The following SLC35E4 variants were observed in gnomAD, a reference collection of about 807,000 sequenced individuals.
SLC35E4 encodes the protein solute carrier family 35, member E4.
A neutral mutation model predicts 19.3 loss-of-function variants in SLC35E4; 15 were observed. The observed-to-expected ratio is 0.78, with a 90% CI of 0.52 to 1.20. The LOEUF (loss-of-function observed/expected upper bound fraction) is 1.20. SLC35E4 is among the 50% of genes most tolerant of loss of function. The pLI is 0.00. For synonymous variants in SLC35E4, 219 were observed against 219.9 expected, an observed-to-expected ratio of 1.00 and a Z score of 0.04; for missense variants, 406 against 472.3, an observed-to-expected ratio of 0.86 and a Z score of 1.30.
chr22:30,648,796 T>C (rs1373603271), downstream of SLC35E4, among the ~76,000 whole-genome samples: 1 of 151,652 alleles, frequency 6.6e-6, no homozygotes, highest in Non-Finnish European at 1.5e-5. Context: ...ACTATGATCA[T>C]GCCACTGCAC....
intron 2 of SLC35E4, among the ~76,000 whole-genome samples, chr22:30,658,057 T>C (rs1602095036): frequency 1.3e-5 from 2 of 151,454 alleles, no homozygotes; most frequent in Admixed American, 6.6e-5. Context: ...CAGTGGGCGG[T>C]GATCACACCA....
downstream of SLC35E4, chr22:30,668,097 C>G (rs976160780): frequency 6.1e-6 from 1 of 163,942 alleles, no homozygotes; most frequent in African/African-American, 2.4e-5. Context: ...CAGTTTCCAA[C>G]TGTTTCTCGA....
At chr22:30,638,471 C>T (rs1426627817) in intron 1 of SLC35E4, among the ~76,000 whole-genome samples, 1 of 133,874 alleles carries the variant, frequency 7.5e-6, no homozygotes, top group Non-Finnish European at 1.5e-5. Context: ...CACTGCACTC[C>T]AGCCAAGGCG....
At chr22:30,651,118 C>G (rs1424316097), downstream of SLC35E4, among the ~76,000 whole-genome samples, 1 of 151,938 alleles carries the variant, frequency 6.6e-6, no homozygotes, top group Non-Finnish European at 1.5e-5. Flanking sequence ...CACTAAATAA[C>G]TTCCTGGAAG....
rs759121707 is a variant in SLC35E4, at chr22:30,646,686, C to A, written c.708C>A (p.Ala236=). The A allele has an allele frequency of 6.2e-7, 1 of 1,612,422 alleles. No homozygotes were observed. The highest frequency in any genetic ancestry group is 1.1e-5 in the South Asian group (1 of 91,052). The change falls in exon 2 of 2, where the codon GCC becomes GCA. Residue 236 remains alanine (A), a synonymous_variant. Coordinates refer to ENST00000343605, the MANE Select transcript of SLC35E4 (RefSeq NM_001001479.4). Reference sequence around the variant, plus strand: ...GCTTCTGCCTGCTGGCGGGTGCAGCCCTGGTGCTGGAGGCTGGCGTTGCCC... The same window carrying A: ...GCTTCTGCCTGCTGGCGGGTGCAGCACTGGTGCTGGAGGCTGGCGTTGCCC... ...LPSFCLLAGA[A]LVLEAGVAPP...
chr22:30,664,977 G>A (rs74523117), downstream of SLC35E4: 1,174 of 152,718 alleles, frequency 7.7e-3, 5 homozygotes, highest in Non-Finnish European at 0.01. Context: ...CTCAGTCGCC[G>A]CTAAGTAATT....
intron 1 of SLC35E4, among the ~76,000 whole-genome samples, chr22:30,643,029 C>CAA (rs67770321): frequency 5.9e-4 from 48 of 81,360 alleles, no homozygotes; most frequent in African/African-American, 2.0e-3. Flanking sequence ...GACTCCGTCT[C>CAA]AAAAAAAAAA....
chr22:30,645,337 G>C (rs1363414504), intron 1 of SLC35E4, among the ~76,000 whole-genome samples: 2 of 152,162 alleles, frequency 1.3e-5, no homozygotes, highest in Non-Finnish European at 2.9e-5. Context: ...CTCAACGCCT[G>C]TAATCCCAGC....
At chr22:30,664,375 C>T (rs2088578142), downstream of SLC35E4, among the ~76,000 whole-genome samples, 1 of 152,222 alleles carries the variant, frequency 6.6e-6, no homozygotes, top group African/African-American at 2.4e-5. Flanking sequence ...GCACTTGAGG[C>T]CTCCCTTGAG....
rs1424600857 is a variant in SLC35E4 at position 30,636,674 on chromosome 22, G to C, written c.224G>C (p.Gly75Ala). The change falls in exon 1 of 2, where the codon GGC (glycine) becomes GCC (alanine). Residue 75 changes from glycine to alanine, a missense_variant. Coordinates refer to ENST00000343605, the MANE Select transcript of SLC35E4 (RefSeq NM_001001479.4). ...SLNKWIFTVH[G>A]FGRPLLLSAL... ...AACAAGTGGATCTTCACAGTGCACG[G>C]CTTTGGGCGGCCCCTGCTGCTGTCG... 1.9e-6 allele frequency: 3 copies of C among 1,612,012 alleles called. No individual in the cohort carries two copies. In the South Asian group the frequency reaches 3.3e-5, roughly 18 times the overall value.
chr22:30,649,753 T>C (rs1360435104), downstream of SLC35E4, among the ~76,000 whole-genome samples: 2 of 149,672 alleles, frequency 1.3e-5, no homozygotes, highest in Non-Finnish European at 3.0e-5. Flanking sequence ...CAGGACCCTT[T>C]CCCATCCAAC....
At chr22:30,639,807 A>G (rs2088009309) in intron 1 of SLC35E4, among the ~76,000 whole-genome samples, 1 of 152,170 alleles carries the variant, frequency 6.6e-6, no homozygotes, top group African/African-American at 2.4e-5. Context: ...CAGATTTCAT[A>G]TTGTTCAAAC....
At chr22:30,655,252 T>C (rs2088311594) in intron 2 of SLC35E4, among the ~76,000 whole-genome samples, 1 of 148,660 alleles carries the variant, frequency 6.7e-6, no homozygotes, top group African/African-American at 2.5e-5. Flanking sequence ...GCCCAGGAGT[T>C]CCAGACCCAT....
intron 2 of SLC35E4, chr22:30,661,876 G>A (rs937367910): frequency 6.6e-6 from 1 of 152,106 alleles, no homozygotes; most frequent in African/African-American, 2.4e-5. Flanking sequence ...TCTAAACAAG[G>A]CTGCAGTCAC....
At chr22:30,638,538 G>A (rs1056113133) in intron 1 of SLC35E4, among the ~76,000 whole-genome samples, 9 of 147,288 alleles carry the variant, frequency 6.1e-5, no homozygotes, top group South Asian at 2.2e-4. Flanking sequence ...TGGGCCAGGC[G>A]CAGTGGCTCA....
chr22:30,645,426 C>G (rs2088112313), intron 1 of SLC35E4, among the ~76,000 whole-genome samples: 1 of 152,062 alleles, frequency 6.6e-6, no homozygotes, highest in Non-Finnish European at 1.5e-5. Flanking sequence ...GAAACCCCGT[C>G]TCTACTAAAA....
At chr22:30,651,068 C>T (rs1602083983), downstream of SLC35E4, among the ~76,000 whole-genome samples, 1 of 151,846 alleles carries the variant, frequency 6.6e-6, no homozygotes, top group East Asian at 2.0e-4. Context: ...TGCTACTCTG[C>T]CCTCAAATTA....
chr22:30,654,306 C>T (rs1366672723), intron 2 of SLC35E4: 1 of 459,668 alleles, frequency 2.2e-6, no homozygotes, highest in Non-Finnish European at 4.3e-6. Context: ...GTTTCTTATT[C>T]TGGTAGTGGA....
At chr22:30,665,815 G>A (rs2088629883), downstream of SLC35E4, among the ~76,000 whole-genome samples, 1 of 152,096 alleles carries the variant, frequency 6.6e-6, no homozygotes, top group South Asian at 2.1e-4. Flanking sequence ...CCACAAGTAG[G>A]TGCTTGATAA....
Sources: allele counts gnomAD v4.1 joint callset (sites outside exome capture counted in the v4.1 genomes callset), GRCh38; gene constraint gnomAD v4.1.1; transcripts MANE v1.5; gene names NCBI Gene and HGNC (gene_info 2026-07-23, HGNC 2026-07-21).